Variants in WDR70 observed in about 807,000 individuals in gnomAD.
WDR70 encodes WD repeat domain 70.
A neutral mutation model predicts 88.6 loss-of-function variants in WDR70; 53 were observed. That is an observed-to-expected ratio of 0.60 (90% confidence interval 0.48 to 0.75). The LOEUF is 0.75. Ranked by LOEUF, WDR70 falls within the 30% of genes least tolerant of loss-of-function variation. The pLI is 0.00. For missense variants in WDR70, 610 were observed against 823.2 expected (o/e 0.74, Z 3.17); for synonymous variants, 280 against 270.0 (o/e 1.04, Z -0.36).
chr5:37,503,723 G>A (rs1258232055), intron 8 of WDR70, among the ~76,000 whole-genome samples: 1 of 151,360 alleles, frequency 6.6e-6, no homozygotes, highest in Admixed American at 6.6e-5. Flanking sequence ...GTAGAATTCT[G>A]CTATGAATCC....
chr5:37,508,466 T>C (rs955267241), intron 8 of WDR70, among the ~76,000 whole-genome samples: 7 of 152,222 alleles, frequency 4.6e-5, no homozygotes, highest in Non-Finnish European at 1.0e-4. Context: ...ACTGAGACAA[T>C]ATGCTTTTAT....
intron 8 of WDR70, among the ~76,000 whole-genome samples, chr5:37,492,105 T>G (rs1740084987): frequency 6.6e-6 from 1 of 152,212 alleles, no homozygotes. Context: ...TTTGGTACTC[T>G]GGTTATATTC....
chr5:37,465,393 TTAG>T (rs1387672411), intron 7 of WDR70, among the ~76,000 whole-genome samples: 5 of 152,216 alleles, frequency 3.3e-5, no homozygotes, highest in Non-Finnish European at 7.3e-5. Context: ...GCCATTGAAA[TTAG>T]TACTCTGGAA....
intron 17 of WDR70, among the ~76,000 whole-genome samples, chr5:37,742,237 C>T (rs542994665): frequency 6.7e-6 from 1 of 149,990 alleles, no homozygotes; most frequent in South Asian, 2.1e-4. Flanking sequence ...TCTCTGCATC[C>T]TGGCCAATAC....
Position 37,396,531 on chromosome 5 carries a change from A to G in WDR70, c.453A>G (p.Glu151=). The part of the protein sequence containing the change: ...PLPPPLNEEE[E]EAEEEEEEEE... ...CTCCACCTCTTAATGAAGAAGAAGA[A>G]GAAGCAGAGGAAGAAGAAGAGGAAG... Residue 151 remains glutamate (E), a synonymous_variant, in exon 5 of 18, where the codon GAA becomes GAG. Transcript: ENST00000265107. 6 of 1,613,300 alleles carry G rather than the reference A, an allele frequency of 3.7e-6. No individual in the cohort carries two copies. The highest frequency in any genetic ancestry group is 5.1e-6 in the Non-Finnish European group (6 of 1,179,904).
At chr5:37,557,689 T>G (rs1413540139) in intron 9 of WDR70, among the ~76,000 whole-genome samples, 1 of 152,044 alleles carries the variant, frequency 6.6e-6, no homozygotes, top group African/African-American at 2.4e-5. Flanking sequence ...GCTGAGTTTT[T>G]GGTAACTAGT....
intron 9 of WDR70, 31 bp from the exon 10 acceptor site, chr5:37,605,033 A>G: frequency 6.5e-7 from 1 of 1,527,248 alleles, no homozygotes; most frequent in Non-Finnish European, 8.8e-7. Flanking sequence ...TTTTTTTTTA[A>G]ATAAATGAAA....
chr5:37,449,590 C>CAAAAAAAAAAAAAAAAAAAAAAAAAAA (rs376148041), intron 7 of WDR70, among the ~76,000 whole-genome samples: 1 of 85,732 alleles, frequency 1.2e-5, no homozygotes, highest in African/African-American at 4.3e-5. Flanking sequence ...AATTTTGTCT[C>CAAAAAAAAAAAAAAAAAAAAAAAAAAA]AAAAAAAAAA....
intron 13 of WDR70, among the ~76,000 whole-genome samples, chr5:37,715,497 A>T (rs1747628956): frequency 6.6e-6 from 1 of 152,162 alleles, no homozygotes; most frequent in Non-Finnish European, 1.5e-5. Context: ...CATTGAGGGG[A>T]TATCTGTAGA....
chr5:37,692,754 A>G (rs552472235), intron 10 of WDR70, among the ~76,000 whole-genome samples: 4,922 of 152,306 alleles, frequency 0.032, 277 homozygotes, highest in African/African-American at 0.11. Flanking sequence ...TCCATAGCCA[A>G]TATCATACTG....
chr5:37,564,939 G>C (rs1209074420), intron 9 of WDR70, among the ~76,000 whole-genome samples: 3 of 151,860 alleles, frequency 2.0e-5, no homozygotes, highest in Admixed American at 2.0e-4. Flanking sequence ...TATTTCAAAG[G>C]CACCTTAAGT....
chr5:37,394,370 T>C (rs1026885604), intron 4 of WDR70, among the ~76,000 whole-genome samples: 3 of 151,932 alleles, frequency 2.0e-5, no homozygotes, highest in Non-Finnish European at 2.9e-5. Flanking sequence ...TTTTGGAGTA[T>C]GAATAGCTTA....
chr5:37,601,533 G>T (rs1743882674), intron 9 of WDR70, among the ~76,000 whole-genome samples: 1 of 152,136 alleles, frequency 6.6e-6, no homozygotes, highest in African/African-American at 2.4e-5. Flanking sequence ...TGCTAGCCTT[G>T]TAAAATGGGG....
At chr5:37,575,981 AACAC>A (rs370824966) in intron 9 of WDR70, among the ~76,000 whole-genome samples, 2 of 152,064 alleles carry the variant, frequency 1.3e-5, no homozygotes, top group Non-Finnish European at 2.9e-5. Context: ...GGTATGGAAA[AACAC>A]ACACATTTTG....
At chr5:37,579,275 A>G (rs1203610101) in intron 9 of WDR70, among the ~76,000 whole-genome samples, 1 of 152,206 alleles carries the variant, frequency 6.6e-6, no homozygotes. Flanking sequence ...AAGAGTAGTG[A>G]AAAGGAAAAA....
intron 5 of WDR70, among the ~76,000 whole-genome samples, chr5:37,429,459 T>C (rs1324184134): frequency 6.6e-6 from 1 of 152,102 alleles, no homozygotes; most frequent in East Asian, 1.9e-4. Context: ...ACTTTCTCAT[T>C]GTTTTATAGG....
rs1749170192 is a variant in WDR70 at position 37,400,907 on chromosome 5, A to C, written c.492+4337A>C. Among the ~76,000 whole-genome samples the C allele has an allele frequency of 2.0e-5, 3 of 152,214 alleles. No individual in the cohort carries two copies. In the South Asian group the frequency reaches 6.2e-4, roughly 31 times the overall value. On this transcript the variant is annotated intron_variant, in intron 5 of 17. Transcript: ENST00000265107. ...ATGGCTGAGTTTTCTTACTAGGAGA[A>C]AGTAGAAAGATGAGGAGGATGAGAT...
intron 9 of WDR70, among the ~76,000 whole-genome samples, chr5:37,552,412 A>C (rs1282908166): frequency 2.6e-5 from 4 of 152,224 alleles, no homozygotes; most frequent in African/African-American, 9.6e-5. Flanking sequence ...CATTAATTTA[A>C]TCCTGACCTT....
intron 9 of WDR70, among the ~76,000 whole-genome samples, chr5:37,518,106 G>T (rs1291242882): frequency 6.6e-6 from 1 of 151,394 alleles, no homozygotes; most frequent in African/African-American, 2.4e-5. Context: ...GTAGAGATGG[G>T]GTTTTATCAT....
Sources: gnomAD v4.1 joint callset for allele counts (sites outside exome capture counted in the v4.1 genomes callset) on GRCh38, gnomAD v4.1.1 for gene constraint, MANE v1.5 for transcripts, NCBI Gene and HGNC (gene_info 2026-07-23, HGNC 2026-07-21) for gene names.